Variants in ABCG8 observed in about 807,000 individuals in gnomAD.
The protein encoded by ABCG8 is ATP binding cassette subfamily G member 8.
Under a neutral mutation model 71.3 loss-of-function variants are expected in ABCG8, and 81 were observed. That is an observed-to-expected ratio of 1.14 (90% CI 0.95 to 1.37). The LOEUF (loss-of-function observed/expected upper bound fraction) is 1.37. ABCG8 is among the 40% of genes most tolerant of loss of function. The pLI is 0.00. For missense variants in ABCG8, 1,119 were observed against 866.2 expected (o/e 1.29, Z -3.66); for synonymous variants, 451 against 354.7 (o/e 1.27, Z -3.05).
At chr2:43,866,986 C>T (rs1669551829) in intron 6 of ABCG8, among the ~76,000 whole-genome samples, 5 of 151,516 alleles carry the variant, frequency 3.3e-5, no homozygotes. Context: ...GAAAATGTGG[C>T]ACATATACAC....
Position 43,880,449 on chromosome 2 carries a change from C to T in ABCG8, c.*2536C>T, listed in dbSNP as rs1365312445. 1 of 152,188 alleles carries T rather than the reference C, an allele frequency of 6.6e-6. No individual in the cohort carries two copies. The highest frequency in any genetic ancestry group is 2.4e-5 in the African/African-American group (1 of 41,408). The allele number at this position is 152,188 out of a possible 1,614,324, so 9.4% of individuals were successfully genotyped here. A position where few individuals can be genotyped will look rare whatever the true frequency, so the allele number is the denominator to read the frequency against. ...TCGGCCTCCCAAAGTGTTGGGATTA[C>T]AGGTGTGACCCACCGCACCTGGTGT... is the stretch of plus-strand genomic sequence containing the variant. On this transcript the variant is annotated 3_prime_UTR_variant, in exon 13 of 13. Coordinates refer to ENST00000272286, the MANE Select transcript of ABCG8 (RefSeq NM_022437.3).
intron 10 of ABCG8, 63 bp downstream of exon 10, chr2:43,874,546 A>C: frequency 2.2e-6 from 3 of 1,380,866 alleles, no homozygotes; most frequent in Middle Eastern, 1.8e-4. Flanking sequence ...AGTGTGGAGA[A>C]AACGTTGCTA....
intron 2 of ABCG8, 61 bp downstream of exon 2, chr2:43,844,669 G>C (rs929023747): frequency 2.9e-6 from 4 of 1,394,818 alleles, no homozygotes; most frequent in Non-Finnish European, 4.0e-6. Flanking sequence ...GAAATTCCCC[G>C]GGTGGAAATA....
At position 43,845,094 on chromosome 2, in the gene ABCG8, G is replaced by GTA. The variant is rs1227569731; in HGVS notation, c.165+487_165+488insAT. On this transcript the variant is annotated intron_variant, in intron 2 of 12. Transcript: ENST00000272286. ...GTTATATATATATGTGTGTGTGTGTGTGTGTATATATATATATATATATAT... is the reference window on the plus strand; with the variant it reads ...GTTATATATATATGTGTGTGTGTGTGTATGTGTATATATATATATATATATAT... Among the ~76,000 whole-genome samples the GTA allele has an allele frequency of 8.4e-3, 1,021 of 121,342 alleles. 8 individuals carry two copies. Among genetic ancestry groups the GTA allele is most frequent in the African/African-American group, 0.031 (965 of 30,720 alleles). 79.6% of individuals were successfully genotyped at this position (121,342 alleles called of 152,430 possible). A position where few individuals can be genotyped will look rare whatever the true frequency, so the allele number is the denominator to read the frequency against.
At position 43,877,773 on chromosome 2, in the gene ABCG8, C is replaced by T. The variant is rs1670011661; in HGVS notation, c.1885-3C>T. ...TGAGCCCACTGCATGTCTGTGTCTCCAGATCCTCAGTGTCATGGAGCTGGA... is the reference window on the plus strand; with the variant it reads ...TGAGCCCACTGCATGTCTGTGTCTCTAGATCCTCAGTGTCATGGAGCTGGA... On this transcript the variant is annotated splice_region_variant and splice_polypyrimidine_tract_variant and intron_variant, in intron 12 of 12. Transcript: ENST00000272286. The T allele has an allele frequency of 6.2e-7, 1 of 1,614,034 alleles. No individual in the cohort carries two copies. Among genetic ancestry groups the T allele is most frequent in the South Asian group, 1.1e-5 (1 of 91,080 alleles).
chr2:43,850,831 A>C (rs1002981487), intron 3 of ABCG8, among the ~76,000 whole-genome samples: 3 of 150,270 alleles, frequency 2.0e-5, no homozygotes, highest in South Asian at 2.1e-4. Context: ...AATTGCTTGA[A>C]CTCGGGAGGC....
chr2:43,844,241 A>G (rs1572822437), intron 1 of ABCG8, among the ~76,000 whole-genome samples: 1 of 152,056 alleles, frequency 6.6e-6, no homozygotes, highest in South Asian at 2.1e-4. Context: ...TTCAGGCTCC[A>G]CCAGCCTGAG....
chr2:43,870,525 C>T (rs1187071547), intron 6 of ABCG8, among the ~76,000 whole-genome samples: 1 of 152,012 alleles, frequency 6.6e-6, no homozygotes, highest in African/African-American at 2.4e-5. Context: ...AGAATTCTCA[C>T]CCTTTGGATA....
chr2:43,877,726 G>A (rs372419871), intron 12 of ABCG8, 38 bp downstream of exon 12: 15 of 1,613,994 alleles, frequency 9.3e-6, no homozygotes, highest in Non-Finnish European at 8.5e-6. Flanking sequence ...ATTATTGGAC[G>A]TCCGGCTTTC....
intron 6 of ABCG8, among the ~76,000 whole-genome samples, chr2:43,855,400 C>G (rs760555485): frequency 6.6e-6 from 1 of 151,568 alleles, no homozygotes; most frequent in Non-Finnish European, 1.5e-5. Context: ...AATTCTCACT[C>G]TGGGGACAGA....
chr2:43,874,594 T>A, intron 10 of ABCG8, 111 bp downstream of exon 10: 1 of 894,770 alleles, frequency 1.1e-6, no homozygotes, highest in Non-Finnish European at 1.9e-6. Flanking sequence ...CCGTGGGTCA[T>A]GTGAAGTCAC....
chr2:43,851,084 T>C (rs938751681), intron 3 of ABCG8, among the ~76,000 whole-genome samples: 3 of 152,242 alleles, frequency 2.0e-5, no homozygotes, highest in Non-Finnish European at 4.4e-5. Flanking sequence ...GTTTTGCATG[T>C]TTAAAAGACG....
chr2:43,854,619 T>G (rs1216227884), intron 6 of ABCG8, among the ~76,000 whole-genome samples: 3 of 96,116 alleles, frequency 3.1e-5, no homozygotes, highest in African/African-American at 1.3e-4. Flanking sequence ...AGAGTGAGAC[T>G]CCATCTCAAA....
At position 43,872,295 on chromosome 2, in the gene ABCG8, G is replaced by A. The variant is rs369131115; in HGVS notation, c.1200G>A (p.Thr400=). 62 of 1,613,694 alleles carry A rather than the reference G, an allele frequency of 3.8e-5. No individual in the cohort carries two copies. The highest frequency in any genetic ancestry group is 2.7e-4 in the East Asian group (12 of 44,884). The change falls in exon 8 of 13, where the codon ACG becomes ACA. Residue 400 remains threonine (T), a synonymous_variant. Coordinates refer to ENST00000272286, the MANE Select transcript of ABCG8 (RefSeq NM_022437.3). The stretch of plus-strand genomic sequence containing the variant: ...TGCCTGGGGCGGTGCAGCAGTTTAC[G>A]ACGCTGATCCGGTAATTATCTGTCA... ...TKMPGAVQQF[T]TLIRRQISND...
chr2:43,850,808 C>G (rs987103518), intron 3 of ABCG8, among the ~76,000 whole-genome samples: 3 of 151,642 alleles, frequency 2.0e-5, no homozygotes, highest in African/African-American at 7.3e-5. Context: ...ACTCAGGAGG[C>G]TGAGGCAGGG....
intron 1 of ABCG8, among the ~76,000 whole-genome samples, chr2:43,841,851 C>T (rs1408570702): frequency 1.3e-5 from 2 of 152,178 alleles, no homozygotes; most frequent in African/African-American, 2.4e-5. Flanking sequence ...CCTTCCTCAG[C>T]GCCTCCTCCA....
chr2:43,854,336 T>C (rs1281424484), intron 6 of ABCG8, among the ~76,000 whole-genome samples: 1 of 151,814 alleles, frequency 6.6e-6, no homozygotes, highest in Non-Finnish European at 1.5e-5. Context: ...GTTATGAAAA[T>C]GGGAGGAAGG....
intron 1 of ABCG8, among the ~76,000 whole-genome samples, chr2:43,842,758 A>C (rs1367445612): frequency 6.8e-6 from 1 of 146,224 alleles, no homozygotes; most frequent in East Asian, 2.2e-4. Context: ...CCCTCTCCTG[A>C]ATTAGGTGTT....
rs1161580385 is a variant in ABCG8, at chr2:43,878,249, G to A, written c.*336G>A. The A allele has an allele frequency of 2.7e-6, 1 of 373,404 alleles. No individual in the cohort carries two copies. Among genetic ancestry groups the A allele is most frequent in the Non-Finnish European group, 5.2e-6 (1 of 192,506 alleles). 23.1% of individuals were successfully genotyped at this position (373,404 alleles called of 1,614,324 possible). ...TGGGAGCAAACTAGGAATGAATTGG[G>A]TAGCTAGACTGTGCAGGAATTGTTG... On this transcript the variant is annotated 3_prime_UTR_variant, in exon 13 of 13. Transcript: ENST00000272286.
Sources: allele counts gnomAD v4.1 joint callset (sites outside exome capture counted in the v4.1 genomes callset), GRCh38; gene constraint gnomAD v4.1.1; transcripts MANE v1.5; gene names NCBI Gene and HGNC (gene_info 2026-07-23, HGNC 2026-07-21).